FABP7: variants seen among roughly 807,000 people sequenced by gnomAD.
FABP7 encodes the protein fatty acid binding protein 7.
Under a neutral mutation model 14.2 loss-of-function variants are expected in FABP7, and 13 were observed. That is an observed-to-expected ratio of 0.91 (90% CI 0.59 to 1.45). The LOEUF (loss-of-function observed/expected upper bound fraction) is 1.45, where lower values mean the gene tolerates loss of function less well. FABP7 is among the 40% of genes most tolerant of loss of function. The probability of loss-of-function intolerance (pLI) is 0.00; values close to 1 mark genes in which losing one functional copy is unlikely to be tolerated. For synonymous variants in FABP7, 49 were observed against 51.4 expected (o/e 0.95, Z 0.20); for missense variants, 149 against 157.6 (o/e 0.95, Z 0.29).
At chr6:122,768,059 CAGG>C in the FABP7 span, among the ~76,000 whole-genome samples, 1 of 152,008 alleles carries the variant, frequency 6.6e-6, no homozygotes, top group Non-Finnish European at 1.5e-5. Context: ...GGCAAATGGG[CAGG>C]AGAACAGACA....
chr6:122,760,016 G>A, the FABP7 span, among the ~76,000 whole-genome samples: 1 of 151,928 alleles, frequency 6.6e-6, no homozygotes, highest in Non-Finnish European at 1.5e-5. Flanking sequence ...CTACTCAGGA[G>A]GCTGAGGCAG....
intron 3 of FABP7, chr6:122,781,740 C>CATTTTTTT: frequency 1.4e-6 from 1 of 739,880 alleles, no homozygotes; most frequent in Non-Finnish European, 1.6e-6. Context: ...AGTGATAACC[C>CATTTTTTT]TTTTTTTTTT....
chr6:122,759,758 C>T, the FABP7 span, among the ~76,000 whole-genome samples: 1 of 152,166 alleles, frequency 6.6e-6, no homozygotes, highest in Non-Finnish European at 1.5e-5. Context: ...AACTATGCTA[C>T]AATACTACTC....
In FABP7 at chr6:122,781,116, C is replaced by T; in HGVS notation, c.270C>T (p.Asp90=). 6.2e-7 allele frequency: 1 copy of T among 1,613,608 alleles called. No individual in the cohort carries two copies. The highest frequency in any genetic ancestry group is 1.1e-5 in the South Asian group (1 of 91,044). The part of the protein sequence containing the change: ...NCKSVVSLDG[D]KLVHIQKWDG... Reference sequence around the variant, plus strand: ...AGTCTGTTGTTAGCCTGGATGGAGACAAACTTGTTCACATACAGAAATGGG... The same window carrying T: ...AGTCTGTTGTTAGCCTGGATGGAGATAAACTTGTTCACATACAGAAATGGG... Residue 90 remains aspartate (D), a synonymous_variant, in exon 3 of 4, where the codon GAC becomes GAT. Coordinates refer to ENST00000368444, the MANE Select transcript of FABP7 (RefSeq NM_001446.5).
the FABP7 span, among the ~76,000 whole-genome samples, chr6:122,760,432 T>C: frequency 2.0e-5 from 3 of 152,178 alleles, no homozygotes; most frequent in African/African-American, 4.8e-5. Context: ...ACTTTATATT[T>C]ATAGTAAATT....
At chr6:122,771,849 T>C in the FABP7 span, among the ~76,000 whole-genome samples, 1 of 152,316 alleles carries the variant, frequency 6.6e-6, no homozygotes, top group East Asian at 1.9e-4. Flanking sequence ...AATTCTTATT[T>C]TTTGACCCTT....
At chr6:122,778,511 A>T (rs1354796257), upstream of FABP7, among the ~76,000 whole-genome samples, 2 of 151,996 alleles carry the variant, frequency 1.3e-5, no homozygotes, top group African/African-American at 2.4e-5. Flanking sequence ...TTTAATTGGG[A>T]GGGGAGAGAG....
chr6:122,770,528 T>C, the FABP7 span, among the ~76,000 whole-genome samples: 1 of 152,250 alleles, frequency 6.6e-6, no homozygotes, highest in East Asian at 1.9e-4. Flanking sequence ...AATTTACTAA[T>C]ATGATTCTGA....
At chr6:122,764,507 T>A in the FABP7 span, among the ~76,000 whole-genome samples, 1 of 152,102 alleles carries the variant, frequency 6.6e-6, no homozygotes, top group Non-Finnish European at 1.5e-5. Context: ...CTGTGCATTT[T>A]GCACATGTAC....
chr6:122,763,643 G>T, the FABP7 span, among the ~76,000 whole-genome samples: 2 of 152,154 alleles, frequency 1.3e-5, no homozygotes, highest in Admixed American at 6.5e-5. Flanking sequence ...CTACCCATCT[G>T]ACAAAGGGCT....
At chr6:122,766,286 A>G in the FABP7 span, among the ~76,000 whole-genome samples, 1 of 152,130 alleles carries the variant, frequency 6.6e-6, no homozygotes. Context: ...AGCAACTTTT[A>G]TGTAGGTACT....
At position 122,779,821 on chromosome 6, in the gene FABP7, G is replaced by C. The variant is rs1444478633; in HGVS notation, c.27G>C (p.Trp9Cys). Residue 9 changes from tryptophan to cysteine, a missense_variant, in exon 1 of 4, where the codon TGG (tryptophan) becomes TGC (cysteine). Trp to Cys is a radical substitution (Grantham distance 215, BLOSUM62 -2). Coordinates refer to ENST00000368444, the MANE Select transcript of FABP7 (RefSeq NM_001446.5). The stretch of plus-strand genomic sequence containing the variant: ...TGGTGGAGGCTTTCTGTGCTACCTG[G>C]AAGCTGACCAACAGTCAGAACTTTG... MVEAFCAT[W>C]KLTNSQNFDE... The C allele has an allele frequency of 6.2e-7, 1 of 1,614,026 alleles. No individual in the cohort carries two copies. The highest frequency in any genetic ancestry group is 1.7e-5 in the Admixed American group (1 of 59,990).
At chr6:122,775,368 G>C (rs1780654240), upstream of FABP7, among the ~76,000 whole-genome samples, 1 of 151,948 alleles carries the variant, frequency 6.6e-6, no homozygotes, top group African/African-American at 2.4e-5. Context: ...TATATTTACA[G>C]ACAACTTATT....
the FABP7 span, among the ~76,000 whole-genome samples, chr6:122,772,357 G>A: frequency 6.6e-6 from 1 of 152,120 alleles, no homozygotes; most frequent in Non-Finnish European, 1.5e-5. Flanking sequence ...AGAAAAAACT[G>A]CAGAAAATAG....
the FABP7 span, among the ~76,000 whole-genome samples, chr6:122,754,837 C>G: frequency 6.6e-6 from 1 of 152,012 alleles, no homozygotes; most frequent in South Asian, 2.1e-4. Context: ...TTTCATAGCC[C>G]TCGCACCCAC....
chr6:122,782,285 G>T, intron 3 of FABP7: 2 of 811,524 alleles, frequency 2.5e-6, no homozygotes, highest in Non-Finnish European at 3.0e-6. Flanking sequence ...AATTTTCTCA[G>T]TTCTGAAAGC....
chr6:122,781,157 A>G lies in FABP7; in HGVS notation c.311A>G (p.Asn104Ser), dbSNP rs142569433. Reference sequence around the variant, plus strand: ...CAGAAATGGGATGGCAAAGAAACAAATTTTGTAAGAGAAATTAAGGATGGC... The same window carrying G: ...CAGAAATGGGATGGCAAAGAAACAAGTTTTGTAAGAGAAATTAAGGATGGC... ...HIQKWDGKET[N>S]FVREIKDGKM... is the part of the protein sequence containing the mutation. The change falls in exon 3 of 4, where the codon AAT becomes AGT. Residue 104 changes from asparagine (N) to serine (S), a missense_variant. Physicochemically the swap from Asn to Ser is conservative, Grantham distance 46. Coordinates refer to ENST00000368444, the MANE Select transcript of FABP7 (RefSeq NM_001446.5). 194 of 1,614,082 alleles carry G rather than the reference A, an allele frequency of 1.2e-4. No homozygotes were observed. In the African/African-American group the frequency reaches 2.3e-3, roughly 20 times the overall value.
the FABP7 span, among the ~76,000 whole-genome samples, chr6:122,752,261 G>A: frequency 6.6e-6 from 1 of 152,214 alleles, no homozygotes; most frequent in Non-Finnish European, 1.5e-5. Context: ...TCATTTAGAT[G>A]TGTTCATCCT....
the FABP7 span, among the ~76,000 whole-genome samples, chr6:122,754,126 T>C: frequency 6.6e-6 from 1 of 152,080 alleles, no homozygotes; most frequent in African/African-American, 2.4e-5. Context: ...TCAGGTACCA[T>C]TATCAGCTCA....
Sources: gnomAD v4.1 joint callset for allele counts (sites outside exome capture counted in the v4.1 genomes callset) on GRCh38, gnomAD v4.1.1 for gene constraint, MANE v1.5 for transcripts, NCBI Gene and HGNC (gene_info 2026-07-23, HGNC 2026-07-21) for gene names.